The following HSPA4L variants were observed in gnomAD, a reference collection of about 807,000 sequenced individuals.
The protein encoded by HSPA4L is heat shock protein family A (Hsp70) member 4 like.
A neutral mutation model predicts 100.3 loss-of-function variants in HSPA4L; 48 were observed. The ratio of observed to expected loss-of-function variants is 0.48; its 90% CI spans 0.38 to 0.61. The LOEUF is 0.61. Among genes scored for constraint, HSPA4L ranks in the 20% least tolerant of loss-of-function variants. The pLI is 0.00. For synonymous variants in HSPA4L, 319 were observed against 328.2 expected (o/e 0.97, Z 0.30); for missense variants, 886 against 988.6 (o/e 0.90, Z 1.39).
At chr4:127,783,531 TTG>T in intron 1 of HSPA4L, 1 of 1,502,920 alleles carries the variant, frequency 6.7e-7, no homozygotes, top group South Asian at 1.3e-5. Context: ...ACATGTTCCG[TTG>T]TTTCTCTGGC....
intron 12 of HSPA4L, chr4:127,813,277 C>T: frequency 1.4e-6 from 1 of 737,174 alleles, no homozygotes; most frequent in Non-Finnish European, 2.3e-6. Context: ...CAGTTTCTCC[C>T]TTTTTTTAAG....
intron 13 of HSPA4L, among the ~76,000 whole-genome samples, chr4:127,818,724 G>C (rs1344561996): frequency 6.6e-6 from 1 of 151,332 alleles, no homozygotes; most frequent in Non-Finnish European, 1.5e-5. Context: ...AAACATTGAC[G>C]CTTACTGGAA....
At chr4:127,788,795 C>T (rs1326963658) in intron 1 of HSPA4L, among the ~76,000 whole-genome samples, 1 of 152,164 alleles carries the variant, frequency 6.6e-6, no homozygotes, top group African/African-American at 2.4e-5. Context: ...CCCAGTGACC[C>T]AACAAAGAAT....
At position 127,832,909 on chromosome 4, in the gene HSPA4L, G is replaced by GC. The variant is rs1734123154; in HGVS notation, c.*36dup. The stretch of plus-strand genomic sequence containing the variant: ...TTACCTTCACATTAATTCAAACCGT[G>GC]CAAGTAACCACGGGGTCCATCTTTT... On this transcript the variant is annotated 3_prime_UTR_variant, in exon 19 of 19. Transcript: ENST00000296464. 3.4e-6 allele frequency: 5 copies of GC among 1,491,688 alleles called. No individual in the cohort carries two copies. The highest frequency in any genetic ancestry group is 4.6e-6 in the Non-Finnish European group (5 of 1,096,124). 92.4% of individuals were successfully genotyped at this position (1,491,688 alleles called of 1,614,324 possible). A position where few individuals can be genotyped will look rare whatever the true frequency, so the allele number is the denominator to read the frequency against.
chr4:127,815,624 T>C (rs1733652318), intron 12 of HSPA4L, among the ~76,000 whole-genome samples: 1 of 152,240 alleles, frequency 6.6e-6, no homozygotes, highest in African/African-American at 2.4e-5. Flanking sequence ...TCTTTATCTT[T>C]TTATTTACTT....
chr4:127,823,665 T>C (rs777919614), intron 16 of HSPA4L, 41 bp downstream of exon 16: 1 of 1,312,986 alleles, frequency 7.6e-7, no homozygotes, highest in East Asian at 2.3e-5. Context: ...AACCAGTAAC[T>C]TTTTCTAAAA....
rs1304863366 is a variant in HSPA4L, at chr4:127,782,481, T to C, written c.-70T>C. On this transcript the variant is annotated 5_prime_UTR_variant, in exon 1 of 19. Transcript: ENST00000296464. The stretch of plus-strand genomic sequence containing the variant: ...GTAGGAGTCGCAATCCCAGCAGCAA[T>C]AGCCCAGAAGAGGACACGGTTCCCG... 2 of 1,283,624 alleles carry C rather than the reference T, an allele frequency of 1.6e-6. No homozygotes were observed. Among genetic ancestry groups the C allele is most frequent in the Non-Finnish European group, 2.3e-6 (2 of 885,496 alleles). 79.5% of individuals were successfully genotyped at this position (1,283,624 alleles called of 1,614,324 possible).
intron 12 of HSPA4L, among the ~76,000 whole-genome samples, chr4:127,818,043 T>C (rs1733717240): frequency 6.6e-6 from 1 of 151,634 alleles, no homozygotes; most frequent in East Asian, 1.9e-4. Context: ...CTTTTGTGAA[T>C]CTTGATTTGT....
At chr4:127,781,815 C>T, upstream of HSPA4L, 1 of 244,104 alleles carries the variant, frequency 4.1e-6, no homozygotes, top group Non-Finnish European at 8.4e-6. Context: ...GGGCGCCGGG[C>T]TGCACATGGG....
rs1456635019 is a variant in HSPA4L, at chr4:127,811,513, C to T, written c.1455C>T (p.Asn485=). 2 of 1,613,888 alleles carry T rather than the reference C, an allele frequency of 1.2e-6. No individual in the cohort carries two copies. Among genetic ancestry groups the T allele is most frequent in the East Asian group, 2.2e-5 (1 of 44,840 alleles). Residue 485 remains asparagine (N), a synonymous_variant, in exon 12 of 19, where the codon AAC becomes AAT. Transcript: ENST00000296464. ...SSKVKVKVRV[N]IHGIFSVASA... is the part of the protein sequence containing the mutation. ...AAGTGAAGGTTAAAGTTCGTGTTAA[C>T]ATCCATGGAATCTTCAGTGTGGCTA... is the stretch of plus-strand genomic sequence containing the variant.
At chr4:127,828,490 T>A (rs1261374259) in intron 17 of HSPA4L, among the ~76,000 whole-genome samples, 1 of 152,116 alleles carries the variant, frequency 6.6e-6, no homozygotes, top group Admixed American at 6.5e-5. Context: ...TTTACCCAAG[T>A]AGTTAATGAT....
At chr4:127,829,163 A>G (rs1403105867) in intron 17 of HSPA4L, among the ~76,000 whole-genome samples, 1 of 152,162 alleles carries the variant, frequency 6.6e-6, no homozygotes, top group East Asian at 1.9e-4. Flanking sequence ...GAAAACTCAA[A>G]GATGTGTGAT....
At chr4:127,824,907 C>T (rs1377574411) in intron 16 of HSPA4L, among the ~76,000 whole-genome samples, 1 of 152,078 alleles carries the variant, frequency 6.6e-6, no homozygotes. Context: ...GAGGCCGAGG[C>T]GGGCGGATCA....
rs917510966 is a variant in HSPA4L at position 127,838,909 on chromosome 4, T to G, written c.*6035T>G. 2.0e-5 allele frequency: 3 copies of G among 152,208 alleles called. No homozygotes were observed. Among genetic ancestry groups the G allele is most frequent in the Non-Finnish European group, 4.4e-5 (3 of 68,040 alleles). 9.4% of individuals were successfully genotyped at this position (152,208 alleles called of 1,614,324 possible). A position where few individuals can be genotyped will look rare whatever the true frequency, so the allele number is the denominator to read the frequency against. On this transcript the variant is annotated 3_prime_UTR_variant, in exon 19 of 19. Coordinates refer to ENST00000296464, the MANE Select transcript of HSPA4L (RefSeq NM_014278.4). Reference sequence around the variant, plus strand: ...ATATTTATTCTTCCCGTTAAGGGTTTTTTGGCTATAAATTCGTACTTGATA... The same window carrying G: ...ATATTTATTCTTCCCGTTAAGGGTTGTTTGGCTATAAATTCGTACTTGATA...
intron 16 of HSPA4L, among the ~76,000 whole-genome samples, chr4:127,825,369 A>C (rs1469462531): frequency 6.6e-6 from 1 of 152,118 alleles, no homozygotes; most frequent in African/African-American, 2.4e-5. Flanking sequence ...GATTATATAG[A>C]TGCTAAATGA....
rs1734121647 is a variant in HSPA4L, at chr4:127,832,875, G to A, written c.*1G>A. ...CTCTGGAGAGATGGAAGTGGACTAA[G>A]TCTTAATTTTACCTTCACATTAATT... On this transcript the variant is annotated 3_prime_UTR_variant, in exon 19 of 19. Transcript: ENST00000296464. 4.4e-6 allele frequency: 7 copies of A among 1,590,202 alleles called. No individual in the cohort carries two copies. The African/African-American group carries it at 6.7e-5, about 15-fold the overall frequency.
At chr4:127,830,987 C>T (rs1734066041) in intron 18 of HSPA4L, among the ~76,000 whole-genome samples, 188 bp downstream of exon 18, 2 of 151,654 alleles carry the variant, frequency 1.3e-5, no homozygotes, top group Non-Finnish European at 2.9e-5. Flanking sequence ...TTTCATATAC[C>T]AGGCTGGTTT....
chr4:127,795,987 T>A (rs547178659), intron 3 of HSPA4L, 79 bp downstream of exon 3: 2 of 1,450,968 alleles, frequency 1.4e-6, no homozygotes, highest in East Asian at 4.6e-5. Flanking sequence ...TATTTGTAGT[T>A]TGACCTTTTT....
rs778355069 is a variant in HSPA4L at position 127,805,753 on chromosome 4, A to G, written c.1204A>G (p.Ile402Val). The change falls in exon 10 of 19, where the codon ATC becomes GTC. Residue 402 changes from isoleucine to valine, a missense_variant. By Grantham distance (29) the Ile-to-Val change is conservative. Transcript: ENST00000296464. The stretch of plus-strand genomic sequence containing the variant: ...CATAACAGACCTTGTTCCCTATTCA[A>G]TCACATTAAGGTGGAAGACCTCTTT... ...FSITDLVPYS[I>V]TLRWKTSFED... 1.1e-5 allele frequency: 18 copies of G among 1,612,532 alleles called. No homozygotes were observed. The highest frequency in any genetic ancestry group is 2.2e-5 in the East Asian group (1 of 44,760).
Sources: allele counts gnomAD v4.1 joint callset (sites outside exome capture counted in the v4.1 genomes callset), GRCh38; gene constraint gnomAD v4.1.1; transcripts MANE v1.5; gene names NCBI Gene and HGNC (gene_info 2026-07-23, HGNC 2026-07-21).